ATG7: variants seen among roughly 807,000 people sequenced by gnomAD.
The protein encoded by ATG7 is ubiquitin-like modifier-activating enzyme ATG7.
ATG7 carries 70 observed loss-of-function variants against 82.4 expected under a neutral mutation model. The observed-to-expected ratio is 0.85, with a 90% CI of 0.70 to 1.04. ATG7 has a LOEUF of 1.04. Among genes scored for constraint, ATG7 ranks in the 50% least tolerant of loss-of-function variants. The pLI is 0.00. For synonymous variants in ATG7, 287 were observed against 313.0 expected, an observed-to-expected ratio of 0.92 and a Z score of 0.88; for missense variants, 792 against 864.3, an observed-to-expected ratio of 0.92 and a Z score of 1.05.
chr3:11,499,035 C>G (rs1430335599), intron 20 of ATG7, among the ~76,000 whole-genome samples: 1 of 152,192 alleles, frequency 6.6e-6, no homozygotes, highest in Non-Finnish European at 1.5e-5. Flanking sequence ...AAAAAACAGT[C>G]CATAGCAGTT....
At chr3:11,489,094 C>T (rs574913917) in intron 20 of ATG7, among the ~76,000 whole-genome samples, 1 of 152,166 alleles carries the variant, frequency 6.6e-6, no homozygotes, top group Non-Finnish European at 1.5e-5. Context: ...TGTTATTGGT[C>T]TATTCAGAAA....
At chr3:11,403,957 G>A (rs1259362638) in intron 19 of ATG7, among the ~76,000 whole-genome samples, 1 of 151,896 alleles carries the variant, frequency 6.6e-6, no homozygotes, top group African/African-American at 2.4e-5. Context: ...ATGTCTTTTT[G>A]TTTGCATTTT....
chr3:11,502,808 T>C (rs868272750), intron 20 of ATG7, among the ~76,000 whole-genome samples: 112 of 151,798 alleles, frequency 7.4e-4, no homozygotes, highest in African/African-American at 2.6e-3. Flanking sequence ...AATAGGAGAG[T>C]TGGTTGAACT....
In ATG7 at chr3:11,484,832, T is replaced by A. The variant is rs536190215; in HGVS notation, c.2079+57906T>A. On this transcript the variant is annotated intron_variant, in intron 20 of 20. Coordinates refer to ENST00000693202, the MANE Select transcript of ATG7 (RefSeq NM_001349232.2). ...TCTTGCGATAGTTTACTGAGAATGA[T>A]GATTTCCAATTTCATCCATGTCCCT... 8.5e-5 allele frequency among the ~76,000 whole-genome samples: 13 copies of A among 152,282 alleles called. No homozygotes were observed. The East Asian group carries it at 2.5e-3, about 29-fold the overall frequency.
chr3:11,331,579 AC>A, intron 10 of ATG7, 151 bp downstream of exon 10: 1 of 711,870 alleles, frequency 1.4e-6, no homozygotes, highest in Admixed American at 2.5e-5. Flanking sequence ...ATCAGTCATA[AC>A]CCAATTTCCA....
At chr3:11,542,909 C>A (rs1464906920) in intron 20 of ATG7, among the ~76,000 whole-genome samples, 1 of 152,196 alleles carries the variant, frequency 6.6e-6, no homozygotes, top group Non-Finnish European at 1.5e-5. Flanking sequence ...ACTCCTAGCT[C>A]CTTGTCAGTT....
intron 19 of ATG7, among the ~76,000 whole-genome samples, chr3:11,396,171 G>A (rs564871857): frequency 6.6e-5 from 10 of 151,976 alleles, no homozygotes; most frequent in Middle Eastern, 6.8e-3. Flanking sequence ...TCTAGGCCAG[G>A]CACAGTGGCT....
chr3:11,279,957 T>G (rs1942726541), intron 1 of ATG7, among the ~76,000 whole-genome samples: 1 of 151,928 alleles, frequency 6.6e-6, no homozygotes, highest in Admixed American at 6.6e-5. Flanking sequence ...TTTTTTGCCA[T>G]TGAACCCTGA....
At chr3:11,279,305 C>T (rs1030169584) in intron 1 of ATG7, among the ~76,000 whole-genome samples, 2 of 152,220 alleles carry the variant, frequency 1.3e-5, no homozygotes, top group African/African-American at 4.8e-5. Context: ...AGAATTGTTC[C>T]ATCCAGCATG....
intron 9 of ATG7, 49 bp from the exon 10 acceptor site, chr3:11,331,291 G>A (rs1180092842): frequency 7.1e-7 from 1 of 1,407,016 alleles, no homozygotes; most frequent in East Asian, 2.3e-5. Flanking sequence ...TCTGTATTGT[G>A]AAGCTGACAT....
At chr3:11,471,034 T>C (rs1337605710) in intron 20 of ATG7, among the ~76,000 whole-genome samples, 1 of 152,122 alleles carries the variant, frequency 6.6e-6, no homozygotes. Context: ...AAACTCCCCA[T>C]AGCCATTTCT....
At chr3:11,313,804 T>C (rs1196475044) in intron 8 of ATG7, among the ~76,000 whole-genome samples, 1 of 152,146 alleles carries the variant, frequency 6.6e-6, no homozygotes, top group Non-Finnish European at 1.5e-5. Context: ...TTTGCCATGT[T>C]GGCCAGGCTG....
chr3:11,400,607 A>AC (rs1248150740), intron 19 of ATG7, among the ~76,000 whole-genome samples: 1 of 151,864 alleles, frequency 6.6e-6, no homozygotes, highest in South Asian at 2.1e-4. Context: ...TTCACACCGC[A>AC]CCCCCCACCC....
chr3:11,574,482 G>T, the ATG7 span, among the ~76,000 whole-genome samples: 3 of 152,298 alleles, frequency 2.0e-5, no homozygotes, highest in Admixed American at 6.5e-5. Context: ...AGTTCCAGAG[G>T]CTGGGAAGGG....
chr3:11,421,068 T>C (rs570171350), intron 19 of ATG7, among the ~76,000 whole-genome samples: 1 of 152,328 alleles, frequency 6.6e-6, no homozygotes, highest in Admixed American at 6.5e-5. Context: ...AAATACTTTT[T>C]TTTTGCTAAA....
At chr3:11,364,402 T>C (rs1465683754) in intron 17 of ATG7, among the ~76,000 whole-genome samples, 1 of 152,198 alleles carries the variant, frequency 6.6e-6, no homozygotes, top group Non-Finnish European at 1.5e-5. Context: ...ACTTTATAGA[T>C]GATGGATCTG....
intron 19 of ATG7, among the ~76,000 whole-genome samples, chr3:11,401,191 C>G (rs1367400248): frequency 6.6e-6 from 1 of 152,228 alleles, no homozygotes; most frequent in Non-Finnish European, 1.5e-5. Flanking sequence ...TCTGTTTTAA[C>G]AAGCCTTCCT....
At chr3:11,570,880 C>A in the ATG7 span, among the ~76,000 whole-genome samples, 1 of 152,188 alleles carries the variant, frequency 6.6e-6, no homozygotes, top group African/African-American at 2.4e-5. Context: ...TGGCTTCTCT[C>A]CCCTTGTGAG....
At chr3:11,421,630 TTTGATG>T (rs1354223343) in intron 19 of ATG7, among the ~76,000 whole-genome samples, 3 of 152,328 alleles carry the variant, frequency 2.0e-5, no homozygotes, top group Admixed American at 2.0e-4. Context: ...TCAAACTCCT[TTTGATG>T]TTGATATTTT....
Sources: gnomAD v4.1 joint callset for allele counts (sites outside exome capture counted in the v4.1 genomes callset) on GRCh38, gnomAD v4.1.1 for gene constraint, MANE v1.5 for transcripts, NCBI Gene and HGNC (gene_info 2026-07-23, HGNC 2026-07-21) for gene names.